The following PRLR variants were observed in gnomAD, a reference collection of about 807,000 sequenced individuals.
PRLR encodes hPRL receptor.
In PRLR, 13 loss-of-function variants were observed where a neutral mutation model predicts 40.2. The ratio of observed to expected loss-of-function variants is 0.32; its 90% confidence interval spans 0.21 to 0.51. The LOEUF (loss-of-function observed/expected upper bound fraction) is 0.51, where lower values mean the gene tolerates loss of function less well. PRLR is among the 20% of genes least tolerant of loss of function. The probability of loss-of-function intolerance (pLI) is 0.97; values close to 1 mark genes in which losing one functional copy is unlikely to be tolerated. For missense variants in PRLR, 656 were observed against 747.3 expected, an observed-to-expected ratio of 0.88 and a Z score of 1.42; for synonymous variants, 269 against 278.7, an observed-to-expected ratio of 0.97 and a Z score of 0.35.
rs1231803714 is a variant in PRLR at position 35,230,424 on chromosome 5, C to T, written c.-262G>A. On this transcript the variant is annotated 5_prime_UTR_variant, in exon 1 of 10. Transcript: ENST00000618457. ...AGGCAGAAAGCCCAGCCCAGAAAAC[C>T]GGCGTCTGGGGATTTCAGCCTCCGC... is the stretch of plus-strand genomic sequence containing the variant. 6.6e-6 allele frequency: 1 copy of T among 152,214 alleles called. No homozygotes were observed. Among genetic ancestry groups the T allele is most frequent in the South Asian group, 2.1e-4 (1 of 4,832 alleles). 9.4% of individuals were successfully genotyped at this position (152,214 alleles called of 1,614,324 possible). A position where few individuals can be genotyped will look rare whatever the true frequency, so the allele number is the denominator to read the frequency against.
intron 2 of PRLR, among the ~76,000 whole-genome samples, chr5:35,103,924 C>T (rs1274304433): frequency 1.3e-5 from 2 of 152,122 alleles, no homozygotes; most frequent in East Asian, 1.9e-4. Context: ...CTTTGATTGC[C>T]TAAAAGATCC....
chr5:35,109,809 C>T (rs1461530797), intron 2 of PRLR, among the ~76,000 whole-genome samples: 4 of 152,140 alleles, frequency 2.6e-5, no homozygotes, highest in African/African-American at 4.8e-5. Flanking sequence ...GACAGCGTGG[C>T]GATTCCTCAA....
rs1377172110 is a variant in PRLR, at chr5:35,061,687, TG to T, written c.*3401del. 6.6e-6 allele frequency: 1 copy of T among 152,240 alleles called. No individual in the cohort carries two copies. Among genetic ancestry groups the T allele is most frequent in the Non-Finnish European group, 1.5e-5 (1 of 68,042 alleles). The allele number at this position is 152,240 out of a possible 1,614,324, so 9.4% of individuals were successfully genotyped here. A position where few individuals can be genotyped will look rare whatever the true frequency, so the allele number is the denominator to read the frequency against. ...AATTGGAACATCTTGCTGTTCAGGTTGTAAGCTACACAAATCACCCGTTGCC... is the reference window on the plus strand; with the variant it reads ...AATTGGAACATCTTGCTGTTCAGGTTTAAGCTACACAAATCACCCGTTGCC... On this transcript the variant is annotated 3_prime_UTR_variant, in exon 10 of 10. Coordinates refer to ENST00000618457, the MANE Select transcript of PRLR (RefSeq NM_000949.7).
chr5:35,171,824 T>C (rs1775005388), intron 1 of PRLR, among the ~76,000 whole-genome samples: 1 of 152,228 alleles, frequency 6.6e-6, no homozygotes, highest in Non-Finnish European at 1.5e-5. Context: ...TGTGATTTTC[T>C]AATAATAGCC....
At chr5:35,226,629 G>C (rs1427069007) in intron 1 of PRLR, among the ~76,000 whole-genome samples, 1 of 152,186 alleles carries the variant, frequency 6.6e-6, no homozygotes, top group Non-Finnish European at 1.5e-5. Flanking sequence ...GACTTTCACA[G>C]GGCTGGCTCC....
In PRLR at chr5:35,066,009, C is replaced by T. The variant is rs1405391676; in HGVS notation, c.949G>A (p.Val317Ile). Reference sequence around the variant, plus strand: ...AGATGCTGGTCCTCACTATCATCTACTTCTAAATACTCCACCAGCAAGTCC... The same window carrying T: ...AGATGCTGGTCCTCACTATCATCTATTTCTAAATACTCCACCAGCAAGTCC... ...YEDLLVEYLEVDDSEDQHLMS... is the reference protein window; with the variant it reads ...YEDLLVEYLEIDDSEDQHLMS... The change falls in exon 10 of 10, where the codon GTA (valine) becomes ATA (isoleucine). Residue 317 changes from valine (V) to isoleucine (I), a missense_variant. Physicochemically the swap from Val to Ile is conservative, Grantham distance 29 (BLOSUM62 3). This residue lies in a region of PRLR where 469 missense variants were observed against 491.5 expected (regional missense o/e 0.95). Coordinates refer to ENST00000618457, the MANE Select transcript of PRLR (RefSeq NM_000949.7). 1.9e-6 allele frequency: 3 copies of T among 1,614,050 alleles called. No homozygotes were observed. Among genetic ancestry groups the T allele is most frequent in the East Asian group, 2.2e-5 (1 of 44,888 alleles).
intron 1 of PRLR, among the ~76,000 whole-genome samples, chr5:35,150,989 A>C (rs1774327004): frequency 1.3e-5 from 2 of 152,354 alleles, no homozygotes; most frequent in South Asian, 2.1e-4. Context: ...GGAATGAATA[A>C]AATGATTTGA....
chr5:35,135,090 GTT>G (rs771752166), intron 1 of PRLR, among the ~76,000 whole-genome samples: 2 of 125,944 alleles, frequency 1.6e-5, no homozygotes, highest in Non-Finnish European at 3.1e-5. Context: ...AGAGATTTGT[GTT>G]TTTTTTTTTT....
At chr5:35,150,317 A>G (rs1324892845) in intron 1 of PRLR, among the ~76,000 whole-genome samples, 2 of 152,196 alleles carry the variant, frequency 1.3e-5, no homozygotes, top group African/African-American at 2.4e-5. Context: ...CTAATTGAAG[A>G]CTAAAGCACA....
At chr5:35,191,803 C>A (rs1039252599) in intron 1 of PRLR, among the ~76,000 whole-genome samples, 5 of 152,210 alleles carry the variant, frequency 3.3e-5, no homozygotes, top group African/African-American at 1.2e-4. Context: ...CCCCCCACCA[C>A]GGGTCTCACT....
chr5:35,078,118 G>A lies in PRLR; in HGVS notation c.374-5374C>T, dbSNP rs182729901. Among the ~76,000 whole-genome samples, 3 of 152,168 alleles carry A rather than the reference G, an allele frequency of 2.0e-5. No individual in the cohort carries two copies. In the East Asian group the frequency reaches 5.8e-4, roughly 29 times the overall value. On this transcript the variant is annotated intron_variant, in intron 5 of 9. Coordinates refer to ENST00000618457, the MANE Select transcript of PRLR (RefSeq NM_000949.7). ...GAGAAAGCAGGGAAGATCTAAAATC[G>A]ACACCCTAACATCACAATTAGAAGA... is the stretch of plus-strand genomic sequence containing the variant.
At chr5:35,127,543 G>A (rs1341255739) in intron 1 of PRLR, among the ~76,000 whole-genome samples, 1 of 152,062 alleles carries the variant, frequency 6.6e-6, no homozygotes, top group South Asian at 2.1e-4. Flanking sequence ...CAGCTAAAAA[G>A]GTGTACAATT....
intron 1 of PRLR, among the ~76,000 whole-genome samples, chr5:35,210,279 A>C (rs1013136234): frequency 6.6e-6 from 1 of 152,226 alleles, no homozygotes; most frequent in Non-Finnish European, 1.5e-5. Context: ...AATATATTAG[A>C]AGCTCTGTGT....
At position 35,129,709 on chromosome 5, in the gene PRLR, C is replaced by T. The variant is rs530155164; in HGVS notation, c.-105-11587G>A. Among the ~76,000 whole-genome samples, 90 of 151,174 alleles carry T rather than the reference C, an allele frequency of 6.0e-4. No homozygotes were observed. The South Asian group carries it at 0.012, about 19-fold the overall frequency. On this transcript the variant is annotated intron_variant, in intron 1 of 9. Coordinates refer to ENST00000618457, the MANE Select transcript of PRLR (RefSeq NM_000949.7). ...CTCATTGGGTACCTATTTCTCATTT[C>T]TCCCATTTTCTTCTTCCCTTTACTG...
chr5:35,053,751 C>T (rs1323405653), downstream of PRLR, among the ~76,000 whole-genome samples: 4 of 152,204 alleles, frequency 2.6e-5, no homozygotes, highest in African/African-American at 7.2e-5. Flanking sequence ...GGCATTAAAA[C>T]ATAAATTCAA....
intron 2 of PRLR, 140 bp downstream of exon 2, chr5:35,117,921 C>T (rs1000152711): frequency 1.5e-5 from 4 of 258,972 alleles, no homozygotes; most frequent in African/African-American, 9.2e-5. Flanking sequence ...TTGAAGACAG[C>T]AGAATGTGCC....
At chr5:35,121,829 C>A (rs2111733231) in intron 1 of PRLR, among the ~76,000 whole-genome samples, 1 of 152,332 alleles carries the variant, frequency 6.6e-6, no homozygotes, top group African/African-American at 2.4e-5. Flanking sequence ...GCTCCAACCA[C>A]AATTCCATTC....
chr5:35,103,134 T>G (rs1323385532), intron 2 of PRLR, among the ~76,000 whole-genome samples: 1 of 152,234 alleles, frequency 6.6e-6, no homozygotes, highest in Non-Finnish European at 1.5e-5. Flanking sequence ...CCTATTTACC[T>G]TGCTTCCTGG....
At chr5:35,066,423 G>A (rs565786540) in intron 9 of PRLR, among the ~76,000 whole-genome samples, 10 of 152,284 alleles carry the variant, frequency 6.6e-5, no homozygotes, top group African/African-American at 2.2e-4. Context: ...AACCCACAGT[G>A]CTTATGCATG....
Sources: gnomAD v4.1 joint callset for allele counts (sites outside exome capture counted in the v4.1 genomes callset) on GRCh38, gnomAD v4.1.1 for gene constraint, gnomAD v4.1.1 regional missense constraint, MANE v1.5 for transcripts, NCBI Gene and HGNC (gene_info 2026-07-23, HGNC 2026-07-21) for gene names.